Variants in SIPA1L2 observed in about 807,000 individuals in gnomAD.
SIPA1L2 encodes the protein signal induced proliferation associated 1 like 2, also known as signal-induced proliferation-associated 1-like protein 2.
SIPA1L2 carries 56 observed loss-of-function variants against 163.9 expected under a neutral mutation model. The ratio of observed to expected loss-of-function variants is 0.34; its 90% CI spans 0.28 to 0.43. SIPA1L2 has a LOEUF of 0.43. SIPA1L2 is among the 20% of genes least tolerant of loss of function. SIPA1L2 has a pLI of 1.00. For synonymous variants in SIPA1L2, 877 were observed against 865.7 expected, an observed-to-expected ratio of 1.01 and a Z score of -0.23; for missense variants, 1,974 against 2,193.5, an observed-to-expected ratio of 0.90 and a Z score of 2.00.
At chr1:232,429,614 A>G (rs1043298064) in intron 16 of SIPA1L2, among the ~76,000 whole-genome samples, 2 of 152,224 alleles carry the variant, frequency 1.3e-5, no homozygotes, top group African/African-American at 4.8e-5. Context: ...GCTGTAAAAA[A>G]AAAAAAAAAG....
chr1:232,483,193 T>C (rs1038145237), intron 6 of SIPA1L2, among the ~76,000 whole-genome samples: 1 of 151,896 alleles, frequency 6.6e-6, no homozygotes, highest in African/African-American at 2.4e-5. Flanking sequence ...GTACAGCTAG[T>C]AGGTGTCCCA....
chr1:232,443,294 G>A (rs146209652), intron 12 of SIPA1L2, among the ~76,000 whole-genome samples: 59 of 152,288 alleles, frequency 3.9e-4, no homozygotes, highest in African/African-American at 1.4e-3. Context: ...CTCTGATTTT[G>A]AGCGGCGTTT....
chr1:232,617,655 CA>C (rs973871320), intron 1 of SIPA1L2, among the ~76,000 whole-genome samples: 44 of 151,002 alleles, frequency 2.9e-4, no homozygotes, highest in African/African-American at 9.2e-4. Flanking sequence ...AAAAAAGGAA[CA>C]AAGGTTGCCT....
At chr1:232,627,306 G>T (rs969831046) in intron 1 of SIPA1L2, among the ~76,000 whole-genome samples, 1 of 152,124 alleles carries the variant, frequency 6.6e-6, no homozygotes, top group Non-Finnish European at 1.5e-5. Flanking sequence ...AACTAGTTTC[G>T]ATGCCCAAAC....
upstream of SIPA1L2, among the ~76,000 whole-genome samples, chr1:232,630,419 G>C (rs1183810898): frequency 6.6e-6 from 1 of 152,148 alleles, no homozygotes; most frequent in Admixed American, 6.5e-5. Context: ...CTCGAGGGCC[G>C]GGCAGCCTAC....
Position 232,432,396 on chromosome 1 carries a change from G to A in SIPA1L2, c.4107C>T (p.Tyr1369=), listed in dbSNP as rs1364648522. ...GTTGTCCGCTGCTGTGAGACACGATGTAGACTTTGGATGAATCCAGAGACC... is the reference window on the plus strand; with the variant it reads ...GTTGTCCGCTGCTGTGAGACACGATATAGACTTTGGATGAATCCAGAGACC... The part of the protein sequence containing the change: ...SSGSLDSSKV[Y]IVSHSSGQQV... The change falls in exon 16 of 23, where the codon TAC becomes TAT. Residue 1369 remains tyrosine (Y), a synonymous_variant. Coordinates refer to ENST00000674635, the MANE Select transcript of SIPA1L2 (RefSeq NM_020808.5). The A allele has an allele frequency of 6.2e-7, 1 of 1,614,130 alleles. No individual in the cohort carries two copies. Among genetic ancestry groups the A allele is most frequent in the Non-Finnish European group, 8.5e-7 (1 of 1,180,054 alleles).
At chr1:232,453,097 G>A (rs778015679) in intron 10 of SIPA1L2, among the ~76,000 whole-genome samples, 7 of 152,138 alleles carry the variant, frequency 4.6e-5, no homozygotes, top group Non-Finnish European at 1.0e-4. Context: ...CTTTAAAGCT[G>A]TAAAATTCCC....
chr1:232,628,435 C>G (rs1663194878), intron 1 of SIPA1L2, among the ~76,000 whole-genome samples: 1 of 152,144 alleles, frequency 6.6e-6, no homozygotes, highest in Non-Finnish European at 1.5e-5. Context: ...TTCAATCAAG[C>G]GGTAAACATC....
chr1:232,500,412 T>C (rs1431413463), intron 3 of SIPA1L2, among the ~76,000 whole-genome samples: 2 of 152,238 alleles, frequency 1.3e-5, no homozygotes, highest in African/African-American at 2.4e-5. Flanking sequence ...AAGGGATTCA[T>C]CATTCCAGAT....
rs565940630 is a variant in SIPA1L2 at position 232,490,132 on chromosome 1, T to C, written c.1806+742A>G. Among the ~76,000 whole-genome samples the C allele has an allele frequency of 4.6e-5, 7 of 152,258 alleles. No homozygotes were observed. In the East Asian group the frequency reaches 1.4e-3, roughly 29 times the overall value. The stretch of plus-strand genomic sequence containing the variant: ...CAAGGGCAATCTCCTTGGCCTAGCA[T>C]ACCAGGTCTCATTTGTTCTAGTCTC... On this transcript the variant is annotated intron_variant, in intron 5 of 22. Transcript: ENST00000674635.
Position 232,541,247 on chromosome 1 carries a change from T to TTAACATAACATAACATAACA in SIPA1L2, c.-269-25659_-269-25640dup, listed in dbSNP as rs200351522. On this transcript the variant is annotated intron_variant, in intron 2 of 22. Transcript: ENST00000674635. Reference sequence around the variant, plus strand: ...ATGTATCACATCACATAACATAACATTAACATAACATAACATAACATAACA... The same window carrying TTAACATAACATAACATAACA: ...ATGTATCACATCACATAACATAACATTAACATAACATAACATAACATAACATAACATAACATAACATAACA... 5.7e-3 allele frequency among the ~76,000 whole-genome samples: 821 copies of TTAACATAACATAACATAACA among 144,662 alleles called. 6 individuals are homozygous for TTAACATAACATAACATAACA. Among genetic ancestry groups the TTAACATAACATAACATAACA allele is most frequent in the East Asian group, 7.6e-3 (38 of 5,012 alleles). 94.9% of individuals were successfully genotyped at this position (144,662 alleles called of 152,430 possible).
chr1:232,572,720 CACATAT>C (rs879267623), intron 2 of SIPA1L2, among the ~76,000 whole-genome samples: 6,424 of 108,662 alleles, frequency 0.059, 757 homozygotes, highest in East Asian at 0.5. Flanking sequence ...TATATATACA[CACATAT>C]ATACATACAT....
chr1:232,620,440 A>AAGAT (rs1435637202), intron 1 of SIPA1L2, among the ~76,000 whole-genome samples: 2 of 152,212 alleles, frequency 1.3e-5, no homozygotes, highest in Non-Finnish European at 2.9e-5. Flanking sequence ...AGAGCGTAGT[A>AAGAT]AGATGAAAGC....
At chr1:232,415,089 G>A (rs1661169518) in intron 19 of SIPA1L2, among the ~76,000 whole-genome samples, 1 of 152,216 alleles carries the variant, frequency 6.6e-6, no homozygotes. Context: ...TTCTCGGCCT[G>A]TGCTTGTCCG....
intron 2 of SIPA1L2, among the ~76,000 whole-genome samples, chr1:232,532,276 T>C (rs1023608524): frequency 3.3e-5 from 5 of 152,174 alleles, no homozygotes; most frequent in African/African-American, 1.2e-4. Context: ...AAGTCAAGAA[T>C]GACTCCAGGA....
chr1:232,520,275 T>C (rs1249760464), intron 2 of SIPA1L2, among the ~76,000 whole-genome samples: 2 of 152,216 alleles, frequency 1.3e-5, no homozygotes, highest in African/African-American at 4.8e-5. Context: ...TCACCAACAT[T>C]CTGCAAGCAC....
chr1:232,539,257 T>C (rs1657496266), intron 2 of SIPA1L2, among the ~76,000 whole-genome samples: 1 of 152,204 alleles, frequency 6.6e-6, no homozygotes, highest in South Asian at 2.1e-4. Flanking sequence ...TGGTAACTAG[T>C]GGACACCTTA....
intron 1 of SIPA1L2, among the ~76,000 whole-genome samples, chr1:232,627,522 G>A (rs531441760): frequency 1.3e-4 from 20 of 151,788 alleles, no homozygotes; most frequent in African/African-American, 4.8e-4. Context: ...GTCTTGCGGG[G>A]TGAGGGGGAG....
chr1:232,623,738 A>G (rs898018824), intron 1 of SIPA1L2, among the ~76,000 whole-genome samples: 2 of 152,198 alleles, frequency 1.3e-5, no homozygotes, highest in African/African-American at 4.8e-5. Context: ...CCCACAAGCA[A>G]TTCTGGAAGA....
Sources: allele counts gnomAD v4.1 joint callset (sites outside exome capture counted in the v4.1 genomes callset), GRCh38; gene constraint gnomAD v4.1.1; transcripts MANE v1.5; gene names NCBI Gene and HGNC (gene_info 2026-07-23, HGNC 2026-07-21).